Variants in OXCT1 observed in about 807,000 individuals in gnomAD.
OXCT1 encodes the protein succinyl-CoA:3-ketoacid coenzyme A transferase 1, mitochondrial.
OXCT1 carries 27 observed loss-of-function variants against 69.6 expected under a neutral mutation model. The ratio of observed to expected loss-of-function variants is 0.39; its 90% CI spans 0.29 to 0.54. The LOEUF (loss-of-function observed/expected upper bound fraction) is 0.54. Among genes scored for constraint, OXCT1 ranks in the 20% least tolerant of loss-of-function variants. The pLI is 0.72. For missense variants in OXCT1, 437 were observed against 650.2 expected (o/e 0.67, Z 3.57); for synonymous variants, 202 against 217.8 (o/e 0.93, Z 0.64).
At chr5:41,812,360 T>C (rs528881591) in intron 7 of OXCT1, among the ~76,000 whole-genome samples, 10 of 151,964 alleles carry the variant, frequency 6.6e-5, no homozygotes, top group Non-Finnish European at 1.2e-4. Context: ...AAGATGAGGA[T>C]TGCAAAACTT....
intron 3 of OXCT1, among the ~76,000 whole-genome samples, chr5:41,857,837 G>A (rs969407933): frequency 1.3e-5 from 2 of 152,144 alleles, no homozygotes; most frequent in Non-Finnish European, 2.9e-5. Flanking sequence ...ATCATCTACA[G>A]CCCAGACTAA....
intron 14 of OXCT1, among the ~76,000 whole-genome samples, chr5:41,752,758 A>C (rs1743858018): frequency 6.6e-6 from 1 of 151,930 alleles, no homozygotes; most frequent in South Asian, 2.1e-4. Flanking sequence ...CAAACAAACA[A>C]AAACAAACAA....
intron 13 of OXCT1, among the ~76,000 whole-genome samples, chr5:41,782,617 C>CT (rs1745462232): frequency 1.3e-5 from 2 of 152,084 alleles, no homozygotes; most frequent in Admixed American, 1.3e-4. Flanking sequence ...TGTAAATATG[C>CT]TTAAGTTCCT....
At chr5:41,866,905 C>A (rs1027795056) in intron 1 of OXCT1, among the ~76,000 whole-genome samples, 53 of 152,072 alleles carry the variant, frequency 3.5e-4, no homozygotes, top group African/African-American at 1.3e-3. Flanking sequence ...ACAGTGATTC[C>A]AAACAAGGGA....
intron 7 of OXCT1, among the ~76,000 whole-genome samples, chr5:41,823,616 G>T (rs1054128028): frequency 6.6e-6 from 1 of 152,140 alleles, no homozygotes; most frequent in African/African-American, 2.4e-5. Context: ...AAGAATAATT[G>T]TTGATTTTTC....
At chr5:41,820,267 T>A (rs193067971) in intron 7 of OXCT1, among the ~76,000 whole-genome samples, 14 of 152,294 alleles carry the variant, frequency 9.2e-5, no homozygotes, top group African/African-American at 3.1e-4. Flanking sequence ...AAGTATAACA[T>A]CCATGTTGTT....
chr5:41,795,984 T>A (rs1391012608), intron 11 of OXCT1, among the ~76,000 whole-genome samples: 1 of 152,172 alleles, frequency 6.6e-6, no homozygotes, highest in Admixed American at 6.5e-5. Flanking sequence ...CTCTCCCCTT[T>A]TCTTTCTTTT....
chr5:41,853,670 T>C (rs1324352975), intron 3 of OXCT1, 116 bp from the exon 4 acceptor site: 7 of 1,146,568 alleles, frequency 6.1e-6, no homozygotes, highest in Non-Finnish European at 7.6e-6. Context: ...CTTATAGGCA[T>C]TTGATCCACA....
chr5:41,763,137 C>A (rs1051446440), intron 13 of OXCT1, among the ~76,000 whole-genome samples: 3 of 152,110 alleles, frequency 2.0e-5, no homozygotes, highest in African/African-American at 7.2e-5. Flanking sequence ...TCAAGAAATG[C>A]ACACAACATG....
At chr5:41,779,529 G>A (rs1274915327) in intron 13 of OXCT1, among the ~76,000 whole-genome samples, 1 of 152,014 alleles carries the variant, frequency 6.6e-6, no homozygotes, top group Non-Finnish European at 1.5e-5. Flanking sequence ...ATCTGTATAA[G>A]GTCACAATTT....
intron 15 of OXCT1, among the ~76,000 whole-genome samples, chr5:41,746,406 A>G (rs776545418): frequency 4.6e-5 from 7 of 152,068 alleles, no homozygotes; most frequent in African/African-American, 7.2e-5. Context: ...TGGATCTGAT[A>G]ATGGCATTCT....
intron 3 of OXCT1, among the ~76,000 whole-genome samples, chr5:41,858,046 T>G (rs1749510947): frequency 6.6e-6 from 1 of 152,186 alleles, no homozygotes; most frequent in Admixed American, 6.6e-5. Flanking sequence ...TTGGCTCTAT[T>G]TGGAGATCAC....
At chr5:41,790,508 C>A (rs138772796) in intron 13 of OXCT1, among the ~76,000 whole-genome samples, 1 of 152,132 alleles carries the variant, frequency 6.6e-6, no homozygotes. Context: ...AGCTATTAAA[C>A]GGTAAGACAA....
At chr5:41,761,350 G>A (rs1220148612) in intron 14 of OXCT1, among the ~76,000 whole-genome samples, 2 of 151,986 alleles carry the variant, frequency 1.3e-5, no homozygotes, top group African/African-American at 4.8e-5. Flanking sequence ...TCTGTTTCTG[G>A]ACATACTAAG....
chr5:41,781,263 A>C (rs1424615645), intron 13 of OXCT1, among the ~76,000 whole-genome samples: 1 of 152,164 alleles, frequency 6.6e-6, no homozygotes, highest in African/African-American at 2.4e-5. Context: ...TGTACAGGAA[A>C]GGACTGTATT....
rs138200426 is a variant in OXCT1 at position 41,828,962 on chromosome 5, G to A, written c.732+11489C>T. Among the ~76,000 whole-genome samples, 114 of 152,124 alleles carry A rather than the reference G, an allele frequency of 7.5e-4. No individual in the cohort carries two copies. In the East Asian group the frequency reaches 0.016, roughly 21 times the overall value. ...CTCTCAGACTGTATAAAAACAGGCC[G>A]TGGGCTGTATTTTGTCAATCCTTGT... is the stretch of plus-strand genomic sequence containing the variant. On this transcript the variant is annotated intron_variant, in intron 7 of 16. Coordinates refer to ENST00000196371, the MANE Select transcript of OXCT1 (RefSeq NM_000436.4).
At chr5:41,863,496 T>C (rs1749834693) in intron 1 of OXCT1, among the ~76,000 whole-genome samples, 1 of 152,142 alleles carries the variant, frequency 6.6e-6, no homozygotes, top group Non-Finnish European at 1.5e-5. Context: ...CACCTTTCTG[T>C]CTGTGATACT....
chr5:41,837,934 A>C (rs968889714), intron 7 of OXCT1, among the ~76,000 whole-genome samples: 1 of 152,214 alleles, frequency 6.6e-6, no homozygotes, highest in Non-Finnish European at 1.5e-5. Flanking sequence ...GAGAATTTAA[A>C]ATAATGCACA....
At chr5:41,749,091 G>T (rs2112045020) in intron 15 of OXCT1, among the ~76,000 whole-genome samples, 1 of 152,136 alleles carries the variant, frequency 6.6e-6, no homozygotes, top group African/African-American at 2.4e-5. Flanking sequence ...ACATTTCTTG[G>T]CTTACTGTGG....
Sources: gnomAD v4.1 joint callset for allele counts (sites outside exome capture counted in the v4.1 genomes callset) on GRCh38, gnomAD v4.1.1 for gene constraint, MANE v1.5 for transcripts, NCBI Gene and HGNC (gene_info 2026-07-23, HGNC 2026-07-21) for gene names.